CYTH3: variants seen among roughly 807,000 people sequenced by gnomAD.
CYTH3 encodes the protein cytohesin 3.
A neutral mutation model predicts 55.1 loss-of-function variants in CYTH3; 23 were observed. That is an observed-to-expected ratio of 0.42 (90% CI 0.30 to 0.59). The LOEUF is 0.59. CYTH3 is among the 20% of genes least tolerant of loss of function. The pLI is 0.20. For missense variants in CYTH3, 413 were observed against 524.8 expected, an observed-to-expected ratio of 0.79 and a Z score of 2.08; for synonymous variants, 249 against 194.9, an observed-to-expected ratio of 1.28 and a Z score of -2.31.
At chr7:6,228,180 A>T (rs1259053652) in intron 1 of CYTH3, among the ~76,000 whole-genome samples, 2 of 152,226 alleles carry the variant, frequency 1.3e-5, no homozygotes, top group African/African-American at 4.8e-5. Context: ...ACCTCCAGCC[A>T]TTTCTGCTCA....
chr7:6,203,905 G>C (rs1267763919), intron 1 of CYTH3, among the ~76,000 whole-genome samples: 2 of 151,970 alleles, frequency 1.3e-5, no homozygotes, highest in African/African-American at 2.4e-5. Context: ...TTTTAGTAGA[G>C]ACAGGGTTTC....
chr7:6,225,666 T>C (rs1481399945), intron 1 of CYTH3, among the ~76,000 whole-genome samples: 1 of 150,592 alleles, frequency 6.6e-6, no homozygotes, highest in Non-Finnish European at 1.5e-5. Flanking sequence ...TGAAAATATA[T>C]ATTTTTTTGA....
At position 6,165,259 on chromosome 7, in the gene CYTH3, G is replaced by A. The variant is rs771227083; in HGVS notation, c.1127+14C>T. ...AGAAGACGGGCCTGGCCCCGCCCCC[G>A]AGGCCCCACTCACTTGATGGATTTC... On this transcript the variant is annotated intron_variant, in intron 12 of 12. Transcript: ENST00000350796. The A allele has an allele frequency of 3.1e-5, 50 of 1,603,214 alleles. No individual in the cohort carries two copies. In the Middle Eastern group the frequency reaches 5.1e-4, roughly 16 times the overall value.
In CYTH3 at chr7:6,202,608, C is replaced by A. The variant is rs574050696; in HGVS notation, c.35-12077G>T. The stretch of plus-strand genomic sequence containing the variant: ...CCTCCTGAGTGGCTGGGATTACAGG[C>A]ATGCGCCGCCACGCCCAACTAATTT... On this transcript the variant is annotated intron_variant, in intron 1 of 12. Transcript: ENST00000350796. Among the ~76,000 whole-genome samples the A allele has an allele frequency of 3.3e-5, 5 of 152,262 alleles. No homozygotes were observed. In the East Asian group the frequency reaches 9.7e-4, roughly 29 times the overall value.
intron 1 of CYTH3, among the ~76,000 whole-genome samples, chr7:6,214,028 A>G (rs928243496): frequency 6.6e-6 from 1 of 152,206 alleles, no homozygotes; most frequent in Non-Finnish European, 1.5e-5. Flanking sequence ...AGCTTCTCAG[A>G]AGACATATTT....
At chr7:6,208,649 T>C (rs932770226) in intron 1 of CYTH3, among the ~76,000 whole-genome samples, 1 of 152,200 alleles carries the variant, frequency 6.6e-6, no homozygotes, top group African/African-American at 2.4e-5. Context: ...ACTCAGGCAA[T>C]CACCCTGCCT....
chr7:6,172,737 T>A (rs1375426699), intron 6 of CYTH3: 2 of 1,226,986 alleles, frequency 1.6e-6, no homozygotes, highest in Admixed American at 5.2e-5. Flanking sequence ...TCACCAGGCC[T>A]GCACCCTTCT....
At chr7:6,210,627 AAGAC>A (rs1184078863) in intron 1 of CYTH3, among the ~76,000 whole-genome samples, 1 of 152,220 alleles carries the variant, frequency 6.6e-6, no homozygotes, top group Non-Finnish European at 1.5e-5. Flanking sequence ...CGTGAAATCT[AAGAC>A]AGAGTTCATG....
chr7:6,219,235 G>A (rs1397802811), intron 1 of CYTH3, among the ~76,000 whole-genome samples: 1 of 152,152 alleles, frequency 6.6e-6, no homozygotes, highest in Non-Finnish European at 1.5e-5. Flanking sequence ...CTACAACTGT[G>A]TGAAAAGCAG....
intron 1 of CYTH3, among the ~76,000 whole-genome samples, chr7:6,261,404 C>G (rs1257036823): frequency 6.6e-6 from 1 of 152,058 alleles, no homozygotes; most frequent in Non-Finnish European, 1.5e-5. Context: ...CAGAATAGAC[C>G]ATGCCTCATA....
At chr7:6,233,610 C>A (rs372124536) in intron 1 of CYTH3, among the ~76,000 whole-genome samples, 1 of 149,490 alleles carries the variant, frequency 6.7e-6, no homozygotes, top group Admixed American at 6.7e-5. Context: ...GAGCCGAGAT[C>A]GCGCCACTGC....
At chr7:6,184,221 C>A (rs78749602) in intron 4 of CYTH3, among the ~76,000 whole-genome samples, 8,431 of 151,758 alleles carry the variant, frequency 0.056, 591 homozygotes, top group East Asian at 0.39. Context: ...TCACCACACC[C>A]GGCTAATTTT....
chr7:6,240,842 G>A (rs868634291), intron 1 of CYTH3, among the ~76,000 whole-genome samples: 1 of 152,084 alleles, frequency 6.6e-6, no homozygotes, highest in Non-Finnish European at 1.5e-5. Context: ...GAGGCCAGGC[G>A]CAGTAGCTCG....
At chr7:6,245,514 G>A (rs962066144) in intron 1 of CYTH3, among the ~76,000 whole-genome samples, 15 of 152,116 alleles carry the variant, frequency 9.9e-5, no homozygotes, top group African/African-American at 3.6e-4. Context: ...TGTGTCCAGC[G>A]GGAGCAGGCT....
chr7:6,177,756 G>T, intron 5 of CYTH3, 67 bp downstream of exon 5: 1 of 1,241,994 alleles, frequency 8.1e-7, no homozygotes, highest in Non-Finnish European at 1.2e-6. Flanking sequence ...AAAGTGGAGC[G>T]TGAGCCTAGG....
chr7:6,254,509 C>A (rs1272648521), intron 1 of CYTH3, among the ~76,000 whole-genome samples: 1 of 152,182 alleles, frequency 6.6e-6, no homozygotes, highest in Non-Finnish European at 1.5e-5. Context: ...AGTGCAGTGG[C>A]GTGATCTCAG....
chr7:6,259,773 TATATATATATA>T (rs869133485), intron 1 of CYTH3, among the ~76,000 whole-genome samples: 8 of 22,296 alleles, frequency 3.6e-4, no homozygotes, highest in East Asian at 4.1e-3. Context: ...ATATATATAT[TATATATATATA>T]ATATATATAT....
At chr7:6,179,539 T>C (rs917537172) in intron 4 of CYTH3, among the ~76,000 whole-genome samples, 2 of 151,842 alleles carry the variant, frequency 1.3e-5, no homozygotes, top group African/African-American at 4.8e-5. Flanking sequence ...AATTCTCATA[T>C]GTATCTGGTG....
At chr7:6,271,528 T>G (rs552534871) in intron 1 of CYTH3, among the ~76,000 whole-genome samples, 1 of 151,456 alleles carries the variant, frequency 6.6e-6, no homozygotes, top group South Asian at 2.1e-4. Flanking sequence ...CGGCTGTTCC[T>G]GTAAAAACAC....
Sources: allele counts gnomAD v4.1 joint callset (sites outside exome capture counted in the v4.1 genomes callset), GRCh38; gene constraint gnomAD v4.1.1; transcripts MANE v1.5; gene names NCBI Gene and HGNC (gene_info 2026-07-23, HGNC 2026-07-21).